Variants in RNF11 observed in about 807,000 individuals in gnomAD.
The protein encoded by RNF11 is ring finger protein 11.
RNF11 carries 4 observed loss-of-function variants against 15.8 expected under a neutral mutation model. The ratio of observed to expected loss-of-function variants is 0.25; its 90% CI spans 0.12 to 0.58. RNF11 has a LOEUF of 0.58. Ranked by LOEUF, RNF11 falls within the 20% of genes least tolerant of loss-of-function variation. The probability of loss-of-function intolerance (pLI) is 0.91; values close to 1 mark genes in which losing one functional copy is unlikely to be tolerated. For synonymous variants in RNF11, 68 were observed against 72.3 expected, an observed-to-expected ratio of 0.94 and a Z score of 0.30; for missense variants, 139 against 194.4, an observed-to-expected ratio of 0.71 and a Z score of 1.70.
intron 1 of RNF11, among the ~76,000 whole-genome samples, chr1:51,241,337 G>A (rs908446660): frequency 1.3e-5 from 2 of 152,184 alleles, no homozygotes; most frequent in Admixed American, 1.3e-4. Context: ...ATTCACAGGT[G>A]CAATTATAGT....
Position 51,236,576 on chromosome 1 carries a change from C to T in RNF11, c.-181C>T. 7.9e-6 allele frequency: 5 copies of T among 634,916 alleles called. No individual in the cohort carries two copies. The highest frequency in any genetic ancestry group is 9.8e-6 in the Non-Finnish European group (4 of 406,476). 39.3% of individuals were successfully genotyped at this position (634,916 alleles called of 1,614,324 possible). A position where few individuals can be genotyped will look rare whatever the true frequency, so the allele number is the denominator to read the frequency against. On this transcript the variant is annotated 5_prime_UTR_variant, in exon 1 of 3. Transcript: ENST00000242719. ...GAGCCCGCGGCCCAGCCTTGATCCC[C>T]CAACCCCGGGGGCTGGCATGAGCGG...
At chr1:51,237,372 T>A (rs926751753) in intron 1 of RNF11, among the ~76,000 whole-genome samples, 1 of 150,552 alleles carries the variant, frequency 6.6e-6, no homozygotes. Context: ...GGGAGACGGA[T>A]CTCCAAGTGG....
At chr1:51,244,079 T>C (rs1422476152) in intron 1 of RNF11, among the ~76,000 whole-genome samples, 3 of 152,382 alleles carry the variant, frequency 2.0e-5, no homozygotes, top group South Asian at 4.1e-4. Context: ...TCATGCACCA[T>C]TCTTAAGACA....
At chr1:51,253,877 T>G (rs1049876912) in intron 1 of RNF11, among the ~76,000 whole-genome samples, 4 of 152,120 alleles carry the variant, frequency 2.6e-5, no homozygotes, top group African/African-American at 9.7e-5. Context: ...CTCATGCCTG[T>G]AATCCTAGCA....
At chr1:51,264,317 T>TATATATACACAC (rs376694497) in intron 1 of RNF11, among the ~76,000 whole-genome samples, 3 of 75,512 alleles carry the variant, frequency 4.0e-5, no homozygotes, top group Non-Finnish European at 7.2e-5. Flanking sequence ...TATATATATA[T>TATATATACACAC]ACACACACAC....
chr1:51,238,435 T>C (rs1215927221), intron 1 of RNF11, among the ~76,000 whole-genome samples: 1 of 152,212 alleles, frequency 6.6e-6, no homozygotes. Flanking sequence ...CAGTAGGGAC[T>C]CAGTAACTGG....
chr1:51,269,011 A>G (rs776544967), intron 1 of RNF11, among the ~76,000 whole-genome samples: 1 of 152,202 alleles, frequency 6.6e-6, no homozygotes, highest in Admixed American at 6.5e-5. Context: ...TAAAGTGGGT[A>G]CTGTTATCTG....
chr1:51,238,935 G>T (rs929952197), intron 1 of RNF11, among the ~76,000 whole-genome samples: 1 of 151,978 alleles, frequency 6.6e-6, no homozygotes, highest in African/African-American at 2.4e-5. Context: ...TCACCATGTT[G>T]GTCAGGCTGG....
intron 1 of RNF11, among the ~76,000 whole-genome samples, chr1:51,255,117 G>A (rs890600628): frequency 2.6e-5 from 4 of 151,860 alleles, no homozygotes; most frequent in Non-Finnish European, 5.9e-5. Context: ...CTGTAAAGAG[G>A]AACTATATTA....
intron 1 of RNF11, among the ~76,000 whole-genome samples, chr1:51,260,336 C>T (rs1281710877): frequency 6.6e-6 from 1 of 152,160 alleles, no homozygotes; most frequent in African/African-American, 2.4e-5. Context: ...TAAATAGGCT[C>T]ATGTCTGTTT....
chr1:51,258,168 TAGTGATC>T (rs111945821), intron 1 of RNF11, among the ~76,000 whole-genome samples: 3,192 of 152,258 alleles, frequency 0.021, 94 homozygotes, highest in African/African-American at 0.065. Context: ...TGCATTTCTC[TAGTGATC>T]AGTGATAATC....
rs1384675175 is a variant in RNF11, at chr1:51,272,412, C to T, written c.*1090C>T. The T allele has an allele frequency of 3.9e-5, 6 of 152,730 alleles. No individual in the cohort carries two copies. The East Asian group carries it at 1.2e-3, about 29-fold the overall frequency. 9.5% of individuals were successfully genotyped at this position (152,730 alleles called of 1,614,324 possible). A position where few individuals can be genotyped will look rare whatever the true frequency, so the allele number is the denominator to read the frequency against. On this transcript the variant is annotated 3_prime_UTR_variant, in exon 3 of 3. Transcript: ENST00000242719. Reference sequence around the variant, plus strand: ...CTGTTTCTTGGAAAGGTATCTATTACATCCTGCTAGCTGACTGACAAAACT... The same window carrying T: ...CTGTTTCTTGGAAAGGTATCTATTATATCCTGCTAGCTGACTGACAAAACT...
chr1:51,239,086 A>T (rs1451102799), intron 1 of RNF11, among the ~76,000 whole-genome samples: 1 of 151,826 alleles, frequency 6.6e-6, no homozygotes, highest in Non-Finnish European at 1.5e-5. Flanking sequence ...TTCTATTTTT[A>T]AAAAAATAGA....
chr1:51,248,139 T>G (rs1485276857), intron 1 of RNF11, among the ~76,000 whole-genome samples: 2 of 149,436 alleles, frequency 1.3e-5, no homozygotes, highest in African/African-American at 4.9e-5. Flanking sequence ...TTCGCTCTTG[T>G]TGCTCAGGTT....
At chr1:51,246,075 G>A (rs189129610) in intron 1 of RNF11, among the ~76,000 whole-genome samples, 1 of 152,160 alleles carries the variant, frequency 6.6e-6, no homozygotes, top group African/African-American at 2.4e-5. Flanking sequence ...AGACCAGCCT[G>A]ACCAACATAG....
chr1:51,264,889 C>T (rs1646947949), intron 1 of RNF11: 1 of 152,192 alleles, frequency 6.6e-6, no homozygotes, highest in Admixed American at 6.5e-5. Context: ...GCTTAAACCA[C>T]CTAAGATTAG....
At position 51,236,412 on chromosome 1, in the gene RNF11, C is replaced by T. The variant is rs559112157; in HGVS notation, c.-345C>T. The T allele has an allele frequency of 1.8e-4, 30 of 169,462 alleles. 1 individual carries two copies. The Admixed American group carries it at 1.8e-3, about 10-fold the overall frequency. The allele number at this position is 169,462 out of a possible 1,614,324, so 10.5% of individuals were successfully genotyped here. The stretch of plus-strand genomic sequence containing the variant: ...GAGGCAGCCGCGACGGCCGCGCCCC[C>T]CCCCGCTGACCTGGATTAGGCCCAG... On this transcript the variant is annotated 5_prime_UTR_variant, in exon 1 of 3. Coordinates refer to ENST00000242719, the MANE Select transcript of RNF11 (RefSeq NM_014372.5).
chr1:51,242,811 T>C (rs1458054185), intron 1 of RNF11, among the ~76,000 whole-genome samples: 2 of 152,232 alleles, frequency 1.3e-5, no homozygotes, highest in Non-Finnish European at 2.9e-5. Context: ...AAGTTAAATT[T>C]AGATAATTAA....
chr1:51,257,344 C>T (rs72898404), intron 1 of RNF11, among the ~76,000 whole-genome samples: 3,218 of 152,336 alleles, frequency 0.021, 96 homozygotes, highest in African/African-American at 0.065. Context: ...GAAGCACTCA[C>T]GTGAGGACCT....
Sources: allele counts gnomAD v4.1 joint callset (sites outside exome capture counted in the v4.1 genomes callset), GRCh38; gene constraint gnomAD v4.1.1; transcripts MANE v1.5; gene names NCBI Gene and HGNC (gene_info 2026-07-23, HGNC 2026-07-21).